Variants in EVI5 observed in about 807,000 individuals in gnomAD.
The protein encoded by EVI5 is ecotropic viral integration site 5.
In EVI5, 73 loss-of-function variants were observed where a neutral mutation model predicts 112.0. That is an observed-to-expected ratio of 0.65 (90% CI 0.54 to 0.79). The LOEUF (loss-of-function observed/expected upper bound fraction) is 0.79, where lower values mean the gene tolerates loss of function less well. EVI5 is among the 30% of genes least tolerant of loss of function. The probability of loss-of-function intolerance (pLI) is 0.00; values close to 1 mark genes in which losing one functional copy is unlikely to be tolerated. For synonymous variants in EVI5, 305 were observed against 319.9 expected, an observed-to-expected ratio of 0.95 and a Z score of 0.50; for missense variants, 900 against 968.8, an observed-to-expected ratio of 0.93 and a Z score of 0.94.
intron 1 of EVI5, among the ~76,000 whole-genome samples, chr1:92,776,032 C>A (rs1684083842): frequency 6.7e-6 from 1 of 149,834 alleles, no homozygotes; most frequent in Non-Finnish European, 1.5e-5. Context: ...GGCGTGAACC[C>A]GGGAGGCGGA....
chr1:92,736,865 G>A (rs1186803553), intron 1 of EVI5, among the ~76,000 whole-genome samples: 2 of 152,034 alleles, frequency 1.3e-5, no homozygotes, highest in Non-Finnish European at 1.5e-5. Context: ...CATCAGGAGT[G>A]ACAAAAATCA....
chr1:92,553,371 C>T (rs1312773633), intron 19 of EVI5, among the ~76,000 whole-genome samples: 1 of 142,448 alleles, frequency 7.0e-6, no homozygotes, highest in Non-Finnish European at 1.5e-5. Flanking sequence ...GGCACAATCT[C>T]GGCTCGCTGC....
chr1:92,745,695 C>A (rs1679156516), intron 1 of EVI5, among the ~76,000 whole-genome samples: 1 of 152,074 alleles, frequency 6.6e-6, no homozygotes, highest in South Asian at 2.1e-4. Context: ...GTAGTAGAGG[C>A]ACTTGTGAGG....
chr1:92,649,836 T>C (rs1310587364), intron 13 of EVI5, among the ~76,000 whole-genome samples: 1 of 152,140 alleles, frequency 6.6e-6, no homozygotes, highest in Non-Finnish European at 1.5e-5. Context: ...GTAAAATCTA[T>C]GGAATATTTT....
intron 19 of EVI5, among the ~76,000 whole-genome samples, chr1:92,536,291 T>C (rs1005601826): frequency 5.9e-5 from 9 of 152,042 alleles, no homozygotes; most frequent in African/African-American, 2.2e-4. Flanking sequence ...CATTTAGTAA[T>C]GAGAAAAGGA....
chr1:92,594,518 T>A lies in EVI5; in HGVS notation c.2070+10789A>T, dbSNP rs1365697435. On this transcript the variant is annotated intron_variant, in intron 18 of 19. Transcript: ENST00000684568. Reference sequence around the variant, plus strand: ...GACATAGGCATGGGCAAGGACTTCATGTCTAAAACACCAAAAGCAATGGCA... The same window carrying A: ...GACATAGGCATGGGCAAGGACTTCAAGTCTAAAACACCAAAAGCAATGGCA... Among the ~76,000 whole-genome samples, 19 of 150,454 alleles carry A rather than the reference T, an allele frequency of 1.3e-4. 1 individual carries two copies. The highest frequency in any genetic ancestry group is 4.7e-4 in the African/African-American group (19 of 40,818).
At chr1:92,629,977 C>A (rs546591466) in intron 14 of EVI5, among the ~76,000 whole-genome samples, 35 of 152,072 alleles carry the variant, frequency 2.3e-4, no homozygotes, top group Non-Finnish European at 4.3e-4. Context: ...TCATCCACGT[C>A]CCTACAAAGG....
Position 92,635,030 on chromosome 1 carries a change from T to C in EVI5, c.1527+1172A>G, listed in dbSNP as rs111899370. Among the ~76,000 whole-genome samples, 588 of 152,290 alleles carry C rather than the reference T, an allele frequency of 3.9e-3. 3 individuals carry two copies. The highest frequency in any genetic ancestry group is 0.013 in the African/African-American group (556 of 41,576). On this transcript the variant is annotated intron_variant, in intron 14 of 19. Coordinates refer to ENST00000684568, the MANE Select transcript of EVI5 (RefSeq NM_001350197.2). Reference sequence around the variant, plus strand: ...AACAGCAAATGTTGCTGCCTGATCGTTCCTCTGGAAGCTTTGTCTCAGAGG... The same window carrying C: ...AACAGCAAATGTTGCTGCCTGATCGCTCCTCTGGAAGCTTTGTCTCAGAGG...
At position 92,688,759 on chromosome 1, in the gene EVI5, G is replaced by A. The variant is rs528336268; in HGVS notation, c.1097+5043C>T. Among the ~76,000 whole-genome samples the A allele has an allele frequency of 5.7e-4, 87 of 152,238 alleles. 1 individual carries two copies. The South Asian group carries it at 0.017, about 30-fold the overall frequency. Reference sequence around the variant, plus strand: ...TGTGTATGCCAGTCTGAAGACATACGGGTTAGGTATCTCTAACATATAATT... The same window carrying A: ...TGTGTATGCCAGTCTGAAGACATACAGGTTAGGTATCTCTAACATATAATT... On this transcript the variant is annotated intron_variant, in intron 9 of 19. Transcript: ENST00000684568.
intron 18 of EVI5, among the ~76,000 whole-genome samples, chr1:92,577,194 A>G (rs1287727807): frequency 1.3e-5 from 2 of 152,202 alleles, no homozygotes; most frequent in African/African-American, 4.8e-5. Context: ...TAAGGAACAA[A>G]GGCTTCCCTT....
chr1:92,761,544 G>T (rs1388261531), intron 1 of EVI5, among the ~76,000 whole-genome samples: 1 of 152,144 alleles, frequency 6.6e-6, no homozygotes, highest in African/African-American at 2.4e-5. Flanking sequence ...ACTTTAAGGA[G>T]TTTTCAAGGA....
At chr1:92,552,064 T>C (rs1341138455) in intron 19 of EVI5, among the ~76,000 whole-genome samples, 1 of 139,782 alleles carries the variant, frequency 7.2e-6, no homozygotes, top group Non-Finnish European at 1.5e-5. Flanking sequence ...CTATTAAAAA[T>C]ACTTGCCATC....
At chr1:92,636,382 T>C (rs1176882144) in intron 13 of EVI5, 46 bp from the exon 14 acceptor site, 8 of 1,529,280 alleles carry the variant, frequency 5.2e-6, no homozygotes, top group African/African-American at 1.4e-5. Flanking sequence ...AGTATAAACA[T>C]GTATATACAA....
intron 10 of EVI5, among the ~76,000 whole-genome samples, chr1:92,667,117 T>C (rs1408552858): frequency 1.3e-5 from 2 of 152,134 alleles, no homozygotes; most frequent in South Asian, 4.1e-4. Context: ...AAACCCTGTC[T>C]CTACAAAAAA....
chr1:92,592,058 A>G (rs552399913), intron 18 of EVI5, among the ~76,000 whole-genome samples: 1 of 152,234 alleles, frequency 6.6e-6, no homozygotes, highest in South Asian at 2.1e-4. Context: ...CCTGGCTAAC[A>G]TGGTGAAACC....
chr1:92,534,417 T>C lies in EVI5; in HGVS notation c.2167-20447A>G, dbSNP rs570641696. Among the ~76,000 whole-genome samples the C allele has an allele frequency of 7.2e-5, 11 of 152,228 alleles. No homozygotes were observed. The East Asian group carries it at 1.4e-3, about 19-fold the overall frequency. On this transcript the variant is annotated intron_variant, in intron 19 of 19. Transcript: ENST00000684568. Reference sequence around the variant, plus strand: ...GCTACCATTGACTTTCTTCAAATAATTGGAAAAAACTACTTTAAATTTCAT... The same window carrying C: ...GCTACCATTGACTTTCTTCAAATAACTGGAAAAAACTACTTTAAATTTCAT...
intron 9 of EVI5, among the ~76,000 whole-genome samples, chr1:92,677,695 T>A (rs1406830684): frequency 6.6e-6 from 1 of 152,144 alleles, no homozygotes; most frequent in African/African-American, 2.4e-5. Context: ...AAAATCACCA[T>A]TAGAATTCCT....
chr1:92,630,452 T>C (rs1236548562), intron 14 of EVI5, among the ~76,000 whole-genome samples: 1 of 152,266 alleles, frequency 6.6e-6, no homozygotes, highest in Non-Finnish European at 1.5e-5. Context: ...GTCTTTTGGC[T>C]GCATAAGTGT....
At chr1:92,782,341 G>A (rs1684976367) in intron 1 of EVI5, among the ~76,000 whole-genome samples, 1 of 150,754 alleles carries the variant, frequency 6.6e-6, no homozygotes, top group Admixed American at 6.6e-5. Flanking sequence ...AGACTGAAAA[G>A]GCAAAATACA....
Sources: gnomAD v4.1 joint callset for allele counts (sites outside exome capture counted in the v4.1 genomes callset) on GRCh38, gnomAD v4.1.1 for gene constraint, MANE v1.5 for transcripts, NCBI Gene and HGNC (gene_info 2026-07-23, HGNC 2026-07-21) for gene names.